Variants in LHFPL3 observed in about 807,000 individuals in gnomAD.
LHFPL3 encodes LHFPL tetraspan subfamily member 3 protein.
In LHFPL3, 5 loss-of-function variants were observed where a neutral mutation model predicts 19.3. That is an observed-to-expected ratio of 0.26 (90% CI 0.14 to 0.54). The LOEUF (loss-of-function observed/expected upper bound fraction) is 0.54. LHFPL3 is among the 20% of genes least tolerant of loss of function. LHFPL3 has a pLI of 0.94. For missense variants in LHFPL3, 249 were observed against 307.4 expected (o/e 0.81, Z 1.42); for synonymous variants, 133 against 126.2 (o/e 1.05, Z -0.36).
At chr7:104,880,999 T>C (rs1792042897) in intron 2 of LHFPL3, among the ~76,000 whole-genome samples, 1 of 151,864 alleles carries the variant, frequency 6.6e-6, no homozygotes, top group Non-Finnish European at 1.5e-5. Context: ...TGAAACCCCA[T>C]CTCTACTGAA....
chr7:104,603,220 T>A (rs1791021620), intron 1 of LHFPL3, among the ~76,000 whole-genome samples: 1 of 150,808 alleles, frequency 6.6e-6, no homozygotes, highest in Non-Finnish European at 1.5e-5. Flanking sequence ...TTTCAAGACA[T>A]GGTCTTGCTT....
At chr7:104,805,028 C>T (rs1021146438) in intron 2 of LHFPL3, among the ~76,000 whole-genome samples, 3 of 152,218 alleles carry the variant, frequency 2.0e-5, no homozygotes, top group African/African-American at 4.8e-5. Context: ...CAGCCAGCAC[C>T]CAGTGCCAAT....
At chr7:104,522,385 T>G (rs1584378198) in intron 1 of LHFPL3, among the ~76,000 whole-genome samples, 3 of 63,940 alleles carry the variant, frequency 4.7e-5, no homozygotes, top group Admixed American at 5.0e-4. Flanking sequence ...TGGGGACTGT[T>G]GTGGGGTGGG....
At chr7:104,460,007 C>T (rs922501460) in intron 1 of LHFPL3, among the ~76,000 whole-genome samples, 1 of 152,120 alleles carries the variant, frequency 6.6e-6, no homozygotes, top group African/African-American at 2.4e-5. Context: ...TCTCCTTCTT[C>T]TTACCCTCCA....
intron 1 of LHFPL3, among the ~76,000 whole-genome samples, chr7:104,591,987 T>C (rs1275916127): frequency 6.6e-6 from 1 of 152,214 alleles, no homozygotes; most frequent in East Asian, 1.9e-4. Flanking sequence ...AGGTCTTCTC[T>C]ACACTGTTTA....
chr7:104,558,647 G>A (rs1432445518), intron 1 of LHFPL3, among the ~76,000 whole-genome samples: 8 of 150,864 alleles, frequency 5.3e-5, no homozygotes, highest in Admixed American at 5.3e-4. Flanking sequence ...CACTCTGATG[G>A]TAGTTTCTTT....
At chr7:104,811,556 A>G (rs1459136830) in intron 2 of LHFPL3, among the ~76,000 whole-genome samples, 1 of 152,110 alleles carries the variant, frequency 6.6e-6, no homozygotes, top group East Asian at 1.9e-4. Flanking sequence ...ATGAGCATAC[A>G]TATATCCCCA....
chr7:104,601,740 A>G (rs974599676), intron 1 of LHFPL3, among the ~76,000 whole-genome samples: 6 of 152,142 alleles, frequency 3.9e-5, no homozygotes, highest in Admixed American at 1.3e-4. Flanking sequence ...AGCTCCAGTT[A>G]GAGTGCCCCA....
chr7:104,429,040 C>T (rs1639155576), intron 1 of LHFPL3, among the ~76,000 whole-genome samples: 2 of 152,086 alleles, frequency 1.3e-5, no homozygotes, highest in Admixed American at 1.3e-4. Context: ...CTCTGAGAAT[C>T]TGAAAAACAT....
At chr7:104,656,383 C>G (rs1414833966) in intron 1 of LHFPL3, among the ~76,000 whole-genome samples, 14 of 152,074 alleles carry the variant, frequency 9.2e-5, no homozygotes, top group Admixed American at 9.2e-4. Context: ...TAGAGTGGCT[C>G]TTTCAGGGGG....
At chr7:104,796,875 T>C (rs1376858080) in intron 2 of LHFPL3, 1 of 152,620 alleles carries the variant, frequency 6.6e-6, no homozygotes, top group Non-Finnish European at 1.5e-5. Flanking sequence ...GGGTCTCCTG[T>C]TGGTCAGAAA....
intron 1 of LHFPL3, among the ~76,000 whole-genome samples, chr7:104,572,891 C>G (rs942951882): frequency 6.6e-6 from 1 of 152,192 alleles, no homozygotes; most frequent in Admixed American, 6.5e-5. Flanking sequence ...TTAAACACCT[C>G]TCTAACATTA....
At chr7:104,866,571 T>A (rs1791726581) in intron 2 of LHFPL3, among the ~76,000 whole-genome samples, 1 of 152,170 alleles carries the variant, frequency 6.6e-6, no homozygotes, top group African/African-American at 2.4e-5. Flanking sequence ...CCCAGATTCA[T>A]AAAGCAAGTC....
intron 1 of LHFPL3, among the ~76,000 whole-genome samples, chr7:104,512,741 GAA>G (rs763632273): frequency 7.0e-6 from 1 of 143,046 alleles, no homozygotes; most frequent in Non-Finnish European, 1.5e-5. Context: ...CTTCTCAAAA[GAA>G]AAAAAAAAGA....
intron 2 of LHFPL3, among the ~76,000 whole-genome samples, chr7:104,782,964 A>G (rs1180993217): frequency 1.3e-5 from 2 of 152,242 alleles, no homozygotes; most frequent in Non-Finnish European, 2.9e-5. Context: ...ACACACATGC[A>G]CACATACATT....
At chr7:104,523,090 A>G (rs1794108246) in intron 1 of LHFPL3, among the ~76,000 whole-genome samples, 1 of 104,996 alleles carries the variant, frequency 9.5e-6, no homozygotes, top group East Asian at 2.5e-4. Context: ...CATGTTATAT[A>G]TACATATACA....
chr7:104,886,915 C>A (rs1208114059), intron 2 of LHFPL3, among the ~76,000 whole-genome samples: 1 of 152,150 alleles, frequency 6.6e-6, no homozygotes, highest in Non-Finnish European at 1.5e-5. Flanking sequence ...TAAGTCCTCC[C>A]GGGGTCCCCG....
At chr7:104,834,797 A>G (rs1791060018) in intron 2 of LHFPL3, among the ~76,000 whole-genome samples, 1 of 151,986 alleles carries the variant, frequency 6.6e-6, no homozygotes, top group South Asian at 2.1e-4. Context: ...GAACATGCCC[A>G]AGGGATTCCT....
At chr7:104,521,300 G>A (rs1204206651) in intron 1 of LHFPL3, among the ~76,000 whole-genome samples, 2 of 152,160 alleles carry the variant, frequency 1.3e-5, no homozygotes, top group Non-Finnish European at 2.9e-5. Flanking sequence ...TGATTGCACT[G>A]TGGTCTGAGA....
Sources: gnomAD v4.1 joint callset for allele counts (sites outside exome capture counted in the v4.1 genomes callset) on GRCh38, gnomAD v4.1.1 for gene constraint, MANE v1.5 for transcripts, NCBI Gene and HGNC (gene_info 2026-07-23, HGNC 2026-07-21) for gene names.